Variants in SORL1 observed in about 807,000 individuals in gnomAD.
SORL1 encodes sortilin-related receptor.
SORL1 carries 127 observed loss-of-function variants against 273.7 expected under a neutral mutation model. That is an observed-to-expected ratio of 0.46 (90% confidence interval 0.40 to 0.54). The LOEUF (loss-of-function observed/expected upper bound fraction) is 0.54. SORL1 is among the 20% of genes least tolerant of loss of function. The pLI is 0.00. For missense variants in SORL1, 2,494 were observed against 2,846.1 expected, an observed-to-expected ratio of 0.88 and a Z score of 2.81; for synonymous variants, 1,031 against 1,067.4, an observed-to-expected ratio of 0.97 and a Z score of 0.66.
At chr11:121,574,564 A>G (rs995932425) in intron 24 of SORL1, among the ~76,000 whole-genome samples, 2 of 152,130 alleles carry the variant, frequency 1.3e-5, no homozygotes, top group African/African-American at 4.8e-5. Flanking sequence ...GCTGCTTTTC[A>G]CGAGGATTCA....
chr11:121,513,440 G>T (rs1465014733), intron 7 of SORL1, among the ~76,000 whole-genome samples: 2 of 152,208 alleles, frequency 1.3e-5, no homozygotes, highest in Non-Finnish European at 2.9e-5. Context: ...GTAACTGCTG[G>T]ATTGCTTGCA....
intron 4 of SORL1, 118 bp from the exon 5 acceptor site, chr11:121,489,925 G>T (rs1861527316): frequency 2.6e-6 from 2 of 756,648 alleles, no homozygotes; most frequent in Admixed American, 4.0e-5. Flanking sequence ...GGCAGTCTCA[G>T]TGCCTGCCTT....
chr11:121,631,211 T>C lies in SORL1; in HGVS notation c.*1648T>C, dbSNP rs896866345. On this transcript the variant is annotated 3_prime_UTR_variant, in exon 48 of 48. Transcript: ENST00000260197. ...GAAAGAGCCAATTAAATTTTTTAGTTTTTGAAATTTTTATTTATATGTATA... is the reference window on the plus strand; with the variant it reads ...GAAAGAGCCAATTAAATTTTTTAGTCTTTGAAATTTTTATTTATATGTATA... 1 of 152,194 alleles carries C rather than the reference T, an allele frequency of 6.6e-6. No homozygotes were observed. Among genetic ancestry groups the C allele is most frequent in the Non-Finnish European group, 1.5e-5 (1 of 68,038 alleles). 9.4% of individuals were successfully genotyped at this position (152,194 alleles called of 1,614,324 possible).
At chr11:121,483,372 A>C (rs575569121) in intron 3 of SORL1, among the ~76,000 whole-genome samples, 1 of 152,176 alleles carries the variant, frequency 6.6e-6, no homozygotes, top group South Asian at 2.1e-4. Flanking sequence ...TTTCATTCCC[A>C]CCTTCTAGAG....
intron 38 of SORL1, chr11:121,609,676 A>G (rs1863531711): frequency 6.6e-6 from 1 of 152,252 alleles, no homozygotes; most frequent in Non-Finnish European, 1.5e-5. Flanking sequence ...GTATCATAAT[A>G]ACGTTTTAAG....
chr11:121,487,304 G>T (rs1432600898), intron 3 of SORL1, among the ~76,000 whole-genome samples: 1 of 152,232 alleles, frequency 6.6e-6, no homozygotes, highest in Admixed American at 6.5e-5. Flanking sequence ...GCACACATGT[G>T]TTAGGTTGAA....
chr11:121,502,088 T>C (rs1465563004), intron 6 of SORL1, among the ~76,000 whole-genome samples: 1 of 150,196 alleles, frequency 6.7e-6, no homozygotes, highest in African/African-American at 2.4e-5. Context: ...TGTTAGTTTA[T>C]ACCTGGGAGT....
intron 12 of SORL1, among the ~76,000 whole-genome samples, chr11:121,536,964 G>A (rs1451005482): frequency 6.6e-6 from 1 of 152,002 alleles, no homozygotes; most frequent in African/African-American, 2.4e-5. Flanking sequence ...CCAGAATGAG[G>A]GCCAGGTGAT....
chr11:121,547,398 A>T (rs1374329582), intron 14 of SORL1, among the ~76,000 whole-genome samples: 3 of 111,148 alleles, frequency 2.7e-5, no homozygotes, highest in South Asian at 6.0e-4. Flanking sequence ...CTCTTGCCCT[A>T]CATTTCCCCA....
chr11:121,601,583 G>GTTTTT (rs11430505), intron 32 of SORL1, among the ~76,000 whole-genome samples: 1 of 137,038 alleles, frequency 7.3e-6, no homozygotes, highest in African/African-American at 2.7e-5. Flanking sequence ...TTTAATGATT[G>GTTTTT]TTTTTTTTTT....
chr11:121,502,371 C>T (rs1187515224), intron 6 of SORL1, among the ~76,000 whole-genome samples: 1 of 151,980 alleles, frequency 6.6e-6, no homozygotes, highest in Non-Finnish European at 1.5e-5. Flanking sequence ...CTCTTAACCT[C>T]GTGATCCACC....
chr11:121,537,202 G>C (rs1440232992), intron 12 of SORL1, among the ~76,000 whole-genome samples: 2 of 152,312 alleles, frequency 1.3e-5, no homozygotes, highest in East Asian at 3.9e-4. Context: ...GTAGAGGCCA[G>C]GTCCTGGGGG....
chr11:121,625,797 A>G (rs1483262108), intron 46 of SORL1, among the ~76,000 whole-genome samples: 1 of 152,168 alleles, frequency 6.6e-6, no homozygotes, highest in African/African-American at 2.4e-5. Context: ...CATGCTAGTG[A>G]TGGAAGAGAG....
intron 1 of SORL1, 151 bp from the exon 2 acceptor site, chr11:121,469,856 G>C (rs910741751): frequency 3.0e-6 from 2 of 677,196 alleles, no homozygotes; most frequent in African/African-American, 3.5e-5. Context: ...ATATGCATGA[G>C]GTGGGAGGGG....
chr11:121,538,139 A>G (rs554690365), intron 12 of SORL1, among the ~76,000 whole-genome samples: 1 of 151,534 alleles, frequency 6.6e-6, no homozygotes, highest in South Asian at 2.1e-4. Context: ...AAAACCTCTG[A>G]CAGTGTTTCC....
At chr11:121,527,362 G>C (rs1413568008) in intron 11 of SORL1, among the ~76,000 whole-genome samples, 1 of 151,954 alleles carries the variant, frequency 6.6e-6, no homozygotes, top group African/African-American at 2.4e-5. Context: ...TGGTCATAAT[G>C]CATTATTCTT....
intron 40 of SORL1, among the ~76,000 whole-genome samples, chr11:121,613,980 C>T (rs958234160): frequency 1.3e-5 from 2 of 152,168 alleles, no homozygotes; most frequent in African/African-American, 4.8e-5. Flanking sequence ...TTTTTTTCTC[C>T]ATCTTACAAA....
chr11:121,516,578 C>G (rs1011777073), intron 8 of SORL1, among the ~76,000 whole-genome samples: 2 of 152,154 alleles, frequency 1.3e-5, no homozygotes, highest in Non-Finnish European at 2.9e-5. Flanking sequence ...TGTTTCTTCT[C>G]TTTTGGAGGT....
chr11:121,625,419 G>T (rs776283342), intron 46 of SORL1, 142 bp downstream of exon 46: 1 of 688,254 alleles, frequency 1.5e-6, no homozygotes, highest in Non-Finnish European at 2.4e-6. Flanking sequence ...TATCAGTTTG[G>T]TCAGGTAGTG....
Sources: allele counts gnomAD v4.1 joint callset (sites outside exome capture counted in the v4.1 genomes callset), GRCh38; gene constraint gnomAD v4.1.1; transcripts MANE v1.5; gene names NCBI Gene and HGNC (gene_info 2026-07-23, HGNC 2026-07-21).